Variants in SMG6 observed in about 807,000 individuals in gnomAD.
SMG6 encodes SMG6 nonsense mediated mRNA decay factor, also known as telomerase-binding protein EST1A.
In SMG6, 66 loss-of-function variants were observed where a neutral mutation model predicts 142.2. The ratio of observed to expected loss-of-function variants is 0.46; its 90% CI spans 0.38 to 0.57. The LOEUF is 0.57. Ranked by LOEUF, SMG6 falls within the 20% of genes least tolerant of loss-of-function variation. The probability of loss-of-function intolerance (pLI) is 0.00; values close to 1 mark genes in which losing one functional copy is unlikely to be tolerated. For missense variants in SMG6, 1,793 were observed against 1,832.0 expected, an observed-to-expected ratio of 0.98 and a Z score of 0.39; for synonymous variants, 779 against 702.4, an observed-to-expected ratio of 1.11 and a Z score of -1.72.
intron 10 of SMG6, among the ~76,000 whole-genome samples, chr17:2,201,238 T>C (rs970310850): frequency 1.3e-5 from 2 of 152,116 alleles, no homozygotes; most frequent in Admixed American, 6.6e-5. Context: ...AGTAGGTACA[T>C]GAAAAGATGC....
chr17:2,273,292 G>A (rs559124904), intron 8 of SMG6, among the ~76,000 whole-genome samples: 1 of 152,294 alleles, frequency 6.6e-6, no homozygotes, highest in South Asian at 2.1e-4. Context: ...GAGGTGGGCG[G>A]ATCACTTAAG....
chr17:2,148,276 A>C (rs2070728121), intron 13 of SMG6, among the ~76,000 whole-genome samples: 1 of 152,224 alleles, frequency 6.6e-6, no homozygotes, highest in African/African-American at 2.4e-5. Context: ...CTGGGTATAC[A>C]CCCAAAAGAA....
chr17:2,252,714 A>G (rs1462050194), intron 8 of SMG6, among the ~76,000 whole-genome samples: 3 of 152,180 alleles, frequency 2.0e-5, no homozygotes, highest in Admixed American at 2.0e-4. Context: ...CCTCACTCCT[A>G]CAGAATCAGA....
chr17:2,194,670 T>A, intron 10 of SMG6, among the ~76,000 whole-genome samples: 1 of 132,508 alleles, frequency 7.5e-6, no homozygotes, highest in Non-Finnish European at 1.6e-5. Context: ...AGCAACAGAG[T>A]AAGACCCTGT....
At chr17:2,293,329 T>C (rs967188075) in intron 4 of SMG6, among the ~76,000 whole-genome samples, 1 of 152,210 alleles carries the variant, frequency 6.6e-6, no homozygotes, top group Admixed American at 6.5e-5. Flanking sequence ...GTCTTTGAGA[T>C]GCTCTGGGAC....
At chr17:2,266,185 C>T (rs766136077) in intron 8 of SMG6, 243 of 985,256 alleles carry the variant, frequency 2.5e-4, no homozygotes, top group Non-Finnish European at 2.8e-4. Flanking sequence ...GAAATTCTGA[C>T]GGGTATCTGG....
At chr17:2,106,933 C>T (rs996086715) in intron 13 of SMG6, among the ~76,000 whole-genome samples, 3 of 151,918 alleles carry the variant, frequency 2.0e-5, no homozygotes, top group Non-Finnish European at 4.4e-5. Flanking sequence ...TAGCAATTCT[C>T]CTGCCTCAGT....
At chr17:2,291,182 C>A (rs496131) in intron 6 of SMG6, among the ~76,000 whole-genome samples, 1 of 151,424 alleles carries the variant, frequency 6.6e-6, no homozygotes, top group Admixed American at 6.6e-5. Context: ...ATATAAAAAA[C>A]TAGCCGGGCG....
chr17:2,171,851 G>A (rs185578984), intron 13 of SMG6, among the ~76,000 whole-genome samples: 153 of 151,814 alleles, frequency 1.0e-3, no homozygotes, highest in African/African-American at 3.5e-3. Context: ...CCCAGGGGAT[G>A]TGATCCTCAC....
chr17:2,099,651 T>A (rs568382651), intron 13 of SMG6, among the ~76,000 whole-genome samples: 108 of 152,162 alleles, frequency 7.1e-4, no homozygotes, highest in Admixed American at 2.7e-3. Context: ...GACCCATGCC[T>A]CATAGTTGGA....
chr17:2,140,671 CAAA>C (rs10635640), intron 13 of SMG6, among the ~76,000 whole-genome samples: 2 of 107,402 alleles, frequency 1.9e-5, no homozygotes, highest in Non-Finnish European at 2.0e-5. Context: ...GATTCCATCT[CAAA>C]AAAAAAAAAA....
intron 13 of SMG6, 124 bp from the exon 14 acceptor site, chr17:2,086,025 A>G: frequency 2.0e-6 from 2 of 988,992 alleles, no homozygotes; most frequent in Non-Finnish European, 3.1e-6. Flanking sequence ...AGGGGGTCAG[A>G]ATGAATGACG....
rs1024900042 is a variant in SMG6, at chr17:2,065,354, A to C, written c.4047+114T>G. ...AAGGAACTCCCCCACCTGGGCCTCC[A>C]TGGTGGCTGGCCCTCAGCTGCCCAG... is the stretch of plus-strand genomic sequence containing the variant. On this transcript the variant is annotated intron_variant, in intron 17 of 18. Transcript: ENST00000263073. 9 of 1,120,356 alleles carry C rather than the reference A, an allele frequency of 8.0e-6. No homozygotes were observed. In the African/African-American group the frequency reaches 1.4e-4, roughly 17 times the overall value. 69.4% of individuals were successfully genotyped at this position (1,120,356 alleles called of 1,614,324 possible).
intron 13 of SMG6, among the ~76,000 whole-genome samples, chr17:2,091,200 C>T (rs766690653): frequency 6.6e-6 from 1 of 152,150 alleles, no homozygotes; most frequent in Non-Finnish European, 1.5e-5. Flanking sequence ...GAAGTTCAGA[C>T]ACAAGAAATA....
At chr17:2,256,445 G>A (rs1029666160) in intron 8 of SMG6, among the ~76,000 whole-genome samples, 7 of 151,978 alleles carry the variant, frequency 4.6e-5, no homozygotes, top group Admixed American at 2.0e-4. Flanking sequence ...TAGCGGTGGT[G>A]CAGAACCAAG....
intron 8 of SMG6, among the ~76,000 whole-genome samples, chr17:2,245,600 GTCTCCAACTCC>G (rs1437956123): frequency 6.6e-6 from 1 of 152,146 alleles, no homozygotes; most frequent in Non-Finnish European, 1.5e-5. Flanking sequence ...GGCCAGGCTG[GTCTCCAACTCC>G]TGGCCTCAAG....
At chr17:2,164,316 A>G (rs574105528) in intron 13 of SMG6, among the ~76,000 whole-genome samples, 1 of 151,418 alleles carries the variant, frequency 6.6e-6, no homozygotes, top group East Asian at 2.0e-4. Flanking sequence ...CCAGCTACTC[A>G]AGAGGCTGAG....
chr17:2,159,823 A>G (rs8070272), intron 13 of SMG6, among the ~76,000 whole-genome samples: 52,827 of 152,130 alleles, frequency 0.35, 9,700 homozygotes, highest in African/African-American at 0.47. Context: ...ACAATGGAAT[A>G]CTACTCATCA....
chr17:2,076,942 C>T (rs533768647), intron 15 of SMG6, among the ~76,000 whole-genome samples: 2 of 152,294 alleles, frequency 1.3e-5, no homozygotes, highest in Non-Finnish European at 2.9e-5. Context: ...GCCCACCAGG[C>T]GCACGGGAAG....
Sources: allele counts gnomAD v4.1 joint callset (sites outside exome capture counted in the v4.1 genomes callset), GRCh38; gene constraint gnomAD v4.1.1; transcripts MANE v1.5; gene names NCBI Gene and HGNC (gene_info 2026-07-23, HGNC 2026-07-21).